ATP6V0A2: variants seen among roughly 807,000 people sequenced by gnomAD.
ATP6V0A2 encodes ATPase H+ transporting V0 subunit a2, also known as V-type proton ATPase 116 kDa subunit a 2.
In ATP6V0A2, 58 loss-of-function variants were observed where a neutral mutation model predicts 104.4. That is an observed-to-expected ratio of 0.56 (90% CI 0.45 to 0.69). ATP6V0A2 has a LOEUF of 0.69. Among genes scored for constraint, ATP6V0A2 ranks in the 30% least tolerant of loss-of-function variants. The probability of loss-of-function intolerance (pLI) is 0.00; values close to 1 mark genes in which losing one functional copy is unlikely to be tolerated. For missense variants in ATP6V0A2, 938 were observed against 1,062.9 expected (o/e 0.88, Z 1.63); for synonymous variants, 376 against 397.9 (o/e 0.95, Z 0.65).
Position 123,727,771 on chromosome 12 carries a change from A to G in ATP6V0A2, c.522-12A>G. On this transcript the variant is annotated splice_polypyrimidine_tract_variant and intron_variant, in intron 5 of 19. Transcript: ENST00000330342. ...TTTCAGTTGACTACAGGTTGACTTT[A>G]CTGTCTCACAGATTTGTGTCTGGCC... The G allele has an allele frequency of 1.9e-6, 3 of 1,614,058 alleles. No homozygotes were observed. Among genetic ancestry groups the G allele is most frequent in the Non-Finnish European group, 2.5e-6 (3 of 1,180,012 alleles).
intron 9 of ATP6V0A2, chr12:123,737,472 CTCCTGGCCCCGAGCGATCCT>C: frequency 1.7e-6 from 1 of 590,610 alleles, no homozygotes; most frequent in Non-Finnish European, 3.0e-6. Flanking sequence ...TGGTCTCAAA[CTCCTGGCCCCGAGCGATCCT>C]CCTGCCTCAG....
At chr12:123,722,494 GC>G in intron 3 of ATP6V0A2, 46 bp downstream of exon 3, 1 of 1,095,188 alleles carries the variant, frequency 9.1e-7, no homozygotes, top group Non-Finnish European at 1.4e-6. Context: ...GATCTTGGGG[GC>G]TGCTTACTTA....
chr12:123,728,357 A>G (rs997834787), intron 6 of ATP6V0A2, among the ~76,000 whole-genome samples: 3 of 150,470 alleles, frequency 2.0e-5, no homozygotes, highest in Non-Finnish European at 2.9e-5. Context: ...AAAGCCTCCC[A>G]AAGTGTTGGG....
At chr12:123,731,342 C>A (rs925975438) in intron 6 of ATP6V0A2, 6 of 152,024 alleles carry the variant, frequency 3.9e-5, no homozygotes, top group African/African-American at 1.5e-4. Flanking sequence ...AATGTCTGAC[C>A]CTCTTGAAGT....
rs190537134 is a variant in ATP6V0A2 at position 123,743,773 on chromosome 12, T to C, written c.1039-12T>C. 2.3e-4 allele frequency: 370 copies of C among 1,613,922 alleles called. No homozygotes were observed. In the African/African-American group the frequency reaches 4.4e-3, roughly 19 times the overall value. On this transcript the variant is annotated splice_polypyrimidine_tract_variant and intron_variant, in intron 9 of 19. Transcript: ENST00000330342. ...GATAGTAATTTTTTATCTTTCCTTG[T>C]TTATGTGGAAGAGAGAGAGTGGTGC...
At chr12:123,728,395 C>CTTTTT (rs34247373) in intron 6 of ATP6V0A2, among the ~76,000 whole-genome samples, 1 of 124,502 alleles carries the variant, frequency 8.0e-6, no homozygotes, top group Non-Finnish European at 1.6e-5. Flanking sequence ...CCTCACCTGG[C>CTTTTT]TTTTTTTTTT....
At position 123,758,172 on chromosome 12, in the gene ATP6V0A2, T is replaced by C; in HGVS notation, c.*140T>C. ...CATAGCCAAATAATTCTGTAAGATA[T>C]ACCTCTTCCTCATATGTTAAATATT... On this transcript the variant is annotated 3_prime_UTR_variant, in exon 20 of 20. Coordinates refer to ENST00000330342, the MANE Select transcript of ATP6V0A2 (RefSeq NM_012463.4). 3 of 591,686 alleles carry C rather than the reference T, an allele frequency of 5.1e-6. No individual in the cohort carries two copies. Among genetic ancestry groups the C allele is most frequent in the Admixed American group, 3.2e-5 (1 of 31,154 alleles). The allele number at this position is 591,686 out of a possible 1,614,324, so 36.7% of individuals were successfully genotyped here.
intron 2 of ATP6V0A2, among the ~76,000 whole-genome samples, chr12:123,719,953 C>G (rs890336313): frequency 6.6e-6 from 1 of 152,160 alleles, no homozygotes; most frequent in African/African-American, 2.4e-5. Flanking sequence ...CTCTCTCCCC[C>G]GTATAAACCC....
rs1444885749 is a variant in ATP6V0A2, at chr12:123,744,059, T to C, written c.1189+124T>C. 7 of 1,530,834 alleles carry C rather than the reference T, an allele frequency of 4.6e-6. No individual in the cohort carries two copies. In the East Asian group the frequency reaches 9.0e-5, roughly 20 times the overall value. The allele number at this position is 1,530,834 out of a possible 1,614,324, so 94.8% of individuals were successfully genotyped here. On this transcript the variant is annotated intron_variant, in intron 10 of 19. Coordinates refer to ENST00000330342, the MANE Select transcript of ATP6V0A2 (RefSeq NM_012463.4). The surrounding 1 kb of genome is among the most constrained non-coding windows in gnomAD (Gnocchi z 5.4). ...ACTTTTTTGCTATCTTATTTAAAAGTATAAGGTTTTAAATGTAACCACACA... is the reference window on the plus strand; with the variant it reads ...ACTTTTTTGCTATCTTATTTAAAAGCATAAGGTTTTAAATGTAACCACACA...
chr12:123,727,982 G>A (rs1251962636), intron 6 of ATP6V0A2, 73 bp downstream of exon 6: 1 of 1,592,842 alleles, frequency 6.3e-7, no homozygotes. Context: ...TAGAAAGAAT[G>A]TTTTTCTCCT....
chr12:123,735,644 A>G lies in ATP6V0A2; in HGVS notation c.825+20A>G. The stretch of plus-strand genomic sequence containing the variant: ...TACACTGTGAGTAAGCTGGAAGTGG[A>G]TTGCCTCTTTATCTGAGGGCTGCCA... On this transcript the variant is annotated intron_variant, in intron 8 of 19. Coordinates refer to ENST00000330342, the MANE Select transcript of ATP6V0A2 (RefSeq NM_012463.4). 6.3e-7 allele frequency: 1 copy of G among 1,589,728 alleles called. No individual in the cohort carries two copies.
intron 8 of ATP6V0A2, 56 bp downstream of exon 8, chr12:123,735,680 C>T (rs1056717594): frequency 5.7e-5 from 76 of 1,327,186 alleles, no homozygotes; most frequent in Non-Finnish European, 6.9e-5. Flanking sequence ...AACATTTACA[C>T]GTATATTTTC....
chr12:123,748,264 G>A (rs1207649237), intron 14 of ATP6V0A2, among the ~76,000 whole-genome samples: 2 of 152,130 alleles, frequency 1.3e-5, no homozygotes, highest in African/African-American at 4.8e-5. Flanking sequence ...AACAATGTAA[G>A]ACACAGCATT....
At chr12:123,755,139 C>T (rs1018431154) in intron 18 of ATP6V0A2, among the ~76,000 whole-genome samples, 5 of 152,056 alleles carry the variant, frequency 3.3e-5, no homozygotes, top group Admixed American at 6.5e-5. Context: ...CGGCAGGTGT[C>T]GTGATGAAGA....
intron 18 of ATP6V0A2, among the ~76,000 whole-genome samples, chr12:123,756,094 A>C (rs1364792278): frequency 1.3e-4 from 19 of 150,960 alleles, no homozygotes; most frequent in Admixed American, 1.1e-3. Flanking sequence ...AAAAAAAAAA[A>C]AAAAACCGAA....
intron 8 of ATP6V0A2, among the ~76,000 whole-genome samples, chr12:123,735,848 G>A (rs923067649): frequency 5.9e-5 from 9 of 152,042 alleles, no homozygotes; most frequent in Non-Finnish European, 1.3e-4. Flanking sequence ...AAGATTCTGT[G>A]GTCACCTTTG....
chr12:123,712,505 G>A lies in ATP6V0A2; in HGVS notation c.-61G>A. On this transcript the variant is annotated 5_prime_UTR_variant, in exon 1 of 20. Transcript: ENST00000330342. ...CGGGCCGCACCGGCTGAGTGTGCGG[G>A]CCCGCGCGGCTCGGAGCCGCCGCCG... 2 of 1,248,770 alleles carry A rather than the reference G, an allele frequency of 1.6e-6. No homozygotes were observed. The highest frequency in any genetic ancestry group is 2.8e-5 in the South Asian group (2 of 72,676). 77.4% of individuals were successfully genotyped at this position (1,248,770 alleles called of 1,614,324 possible). A position where few individuals can be genotyped will look rare whatever the true frequency, so the allele number is the denominator to read the frequency against.
Position 123,744,021 on chromosome 12 carries a change from G to A in ATP6V0A2, c.1189+86G>A. On this transcript the variant is annotated intron_variant, in intron 10 of 19. Coordinates refer to ENST00000330342, the MANE Select transcript of ATP6V0A2 (RefSeq NM_012463.4). The surrounding 1 kb of genome is among the most constrained non-coding windows in gnomAD (Gnocchi z 5.4). ...AGAATGGAATAGATATTTGGAAAGA[G>A]AGGCTGACCATTACTTTTTTGCTAT... 1.9e-6 allele frequency: 3 copies of A among 1,578,710 alleles called. No homozygotes were observed. In the South Asian group the frequency reaches 3.3e-5, roughly 18 times the overall value.
rs767158995 is a variant in ATP6V0A2, at chr12:123,752,278, G to A, written c.2056-5G>A. 1 of 1,614,110 alleles carries A rather than the reference G, an allele frequency of 6.2e-7. No individual in the cohort carries two copies. Among genetic ancestry groups the A allele is most frequent in the South Asian group, 1.1e-5 (1 of 91,088 alleles). ...GCACTGACTCTGTGCTCTTTTGGTT[G>A]TTAGAGTGGCTACACACTTATAAGG... On this transcript the variant is annotated splice_region_variant and splice_polypyrimidine_tract_variant and intron_variant, in intron 16 of 19. Transcript: ENST00000330342.
Sources: gnomAD v4.1 joint callset for allele counts (sites outside exome capture counted in the v4.1 genomes callset) on GRCh38, gnomAD v4.1.1 for gene constraint, Gnocchi (gnomAD v3.1) non-coding constraint, MANE v1.5 for transcripts, NCBI Gene and HGNC (gene_info 2026-07-23, HGNC 2026-07-21) for gene names.